PER3: variants seen among roughly 807,000 people sequenced by gnomAD.
PER3 encodes period circadian regulator 3.
A neutral mutation model predicts 127.2 loss-of-function variants in PER3; 107 were observed. That is an observed-to-expected ratio of 0.84 (90% CI 0.72 to 0.99). PER3 has a LOEUF of 0.99. Ranked by LOEUF, PER3 falls within the 50% of genes least tolerant of loss-of-function variation. The pLI, the probability that PER3 is intolerant of heterozygous loss-of-function variation, is 0.00. For synonymous variants in PER3, 618 were observed against 585.8 expected, an observed-to-expected ratio of 1.05 and a Z score of -0.79; for missense variants, 1,560 against 1,525.8, an observed-to-expected ratio of 1.02 and a Z score of -0.37.
chr1:7,826,521 A>G lies in PER3; in HGVS notation c.1999A>G (p.Met667Val). Residue 667 changes from methionine to valine, a missense_variant, in exon 17 of 22, where the codon ATG becomes GTG. By Grantham distance (21) the Met-to-Val change is conservative. This residue lies in a region of PER3 where 1,332 missense variants were observed against 1,223.6 expected (regional missense o/e 1.09). Transcript: ENST00000377532. This position sits in a 1 kb window ranked among gnomAD's most constrained non-coding sequence, Gnocchi z 4.2. ...CTTCTGTGAGCCCTGGACCCTGAAC[A>G]TGCAGCCAGCCCCTTTGACCTCGGA... ...TLFCEPWTLN[M>V]QPAPLTSEEF... 3.1e-6 allele frequency: 5 copies of G among 1,614,034 alleles called. No homozygotes were observed. Among genetic ancestry groups the G allele is most frequent in the South Asian group, 1.1e-5 (1 of 91,082 alleles).
intron 21 of PER3, 47 bp downstream of exon 21, chr1:7,837,196 G>C (rs1331282031): frequency 6.5e-7 from 1 of 1,545,270 alleles, no homozygotes; most frequent in Non-Finnish European, 8.8e-7. Flanking sequence ...ATTTTGGCCA[G>C]GTAGTGCTTT....
rs904195625 is a variant in PER3 at position 7,827,044 on chromosome 1, T to C, written c.2189-74T>C. 1.0e-4 allele frequency: 119 copies of C among 1,156,176 alleles called. 1 individual carries two copies. The Admixed American group carries it at 2.5e-3, about 24-fold the overall frequency. 71.6% of individuals were successfully genotyped at this position (1,156,176 alleles called of 1,614,324 possible). On this transcript the variant is annotated intron_variant, in intron 17 of 21. Coordinates refer to ENST00000377532, the MANE Select transcript of PER3 (RefSeq NM_001377275.1). ...TGCTCATTCGTCAGCTACTTATAACTACCTGTAAGTGGCATCCTTCTCTTC... is the reference window on the plus strand; with the variant it reads ...TGCTCATTCGTCAGCTACTTATAACCACCTGTAAGTGGCATCCTTCTCTTC...
intron 17 of PER3, 91 bp from the exon 18 acceptor site, chr1:7,827,027 C>A: frequency 1.0e-6 from 1 of 976,350 alleles, no homozygotes; most frequent in Non-Finnish European, 1.5e-6. Flanking sequence ...AATGCTCATT[C>A]GTCAGCTACT....
At position 7,820,634 on chromosome 1, in the gene PER3, G is replaced by A; in HGVS notation, c.1951G>A (p.Glu651Lys). Residue 651 changes from glutamate to lysine, a missense_variant, in exon 16 of 22, where the codon GAG becomes AAG. By Grantham distance (56) the Glu-to-Lys change is moderately conservative. Transcript: ENST00000377532. ...SSTIVHVPPP[E>K]TARDATLFCE... ...CACCATTGTCCATGTCCCACCCCCA[G>A]AGACAGGTACCACACTCGCCTCTTA... is the stretch of plus-strand genomic sequence containing the variant. 1 of 1,610,114 alleles carries A rather than the reference G, an allele frequency of 6.2e-7. No homozygotes were observed. The highest frequency in any genetic ancestry group is 8.5e-7 in the Non-Finnish European group (1 of 1,178,078).
chr1:7,823,895 G>A (rs185305929), intron 16 of PER3, among the ~76,000 whole-genome samples: 1 of 152,164 alleles, frequency 6.6e-6, no homozygotes, highest in African/African-American at 2.4e-5. Context: ...CGACATGTTG[G>A]GCTGTACTAT....
At chr1:7,798,803 T>C in intron 7 of PER3, 130 bp downstream of exon 7, 1 of 686,524 alleles carries the variant, frequency 1.5e-6, no homozygotes, top group Non-Finnish European at 2.5e-6. Flanking sequence ...TCTTCAGGCA[T>C]TTGAAGCTGG....
chr1:7,843,844 G>A lies in PER3; in HGVS notation c.*1089G>A. On this transcript the variant is annotated 3_prime_UTR_variant, in exon 22 of 22. Transcript: ENST00000377532. ...TGGCGTTTGTAGTTGTGTCTTTTAA[G>A]AAGTGAGTGTGATTGTTTACTTGAT... is the stretch of plus-strand genomic sequence containing the variant. 2.8e-6 allele frequency: 3 copies of A among 1,083,516 alleles called. No homozygotes were observed. The highest frequency in any genetic ancestry group is 3.6e-6 in the Non-Finnish European group (3 of 836,994). The allele number at this position is 1,083,516 out of a possible 1,614,324, so 67.1% of individuals were successfully genotyped here.
intron 21 of PER3, among the ~76,000 whole-genome samples, chr1:7,839,262 T>C (rs1338693009): frequency 6.6e-6 from 1 of 152,196 alleles, no homozygotes; most frequent in East Asian, 1.9e-4. Flanking sequence ...ACTGAAGTTA[T>C]GAAATTAGGT....
In PER3 at chr1:7,808,980, T is replaced by A. The variant is rs763018952; in HGVS notation, c.1224T>A (p.Ile408=). The A allele has an allele frequency of 1.3e-6, 2 of 1,538,900 alleles. No homozygotes were observed. Among genetic ancestry groups the A allele is most frequent in the Admixed American group, 3.4e-5 (2 of 59,450 alleles). Residue 408 remains isoleucine, a synonymous_variant, in exon 11 of 22, where the codon ATT becomes ATA. Coordinates refer to ENST00000377532, the MANE Select transcript of PER3 (RefSeq NM_001377275.1). The part of the protein sequence containing the change: ...DKDITELQEQ[I]YKLLLQPVHV... ...ACATAACAGAATTACAAGAACAAAT[T>A]TACAAACTTCTCTTACAGGTAAGGT...
intron 20 of PER3, 87 bp downstream of exon 20, chr1:7,836,032 C>T: frequency 1.1e-6 from 1 of 885,296 alleles, no homozygotes; most frequent in Non-Finnish European, 1.7e-6. Context: ...GAGTCTCGCC[C>T]TGTCACCCAG....
At chr1:7,788,347 A>G (rs1032536131) in intron 5 of PER3, 101 bp downstream of exon 5, 3 of 818,196 alleles carry the variant, frequency 3.7e-6, no homozygotes, top group Non-Finnish European at 3.9e-6. Context: ...GAACATGCAC[A>G]CTATCTGGTT....
intron 3 of PER3, among the ~76,000 whole-genome samples, chr1:7,786,383 C>G (rs1028941311): frequency 1.5e-4 from 23 of 152,184 alleles, no homozygotes; most frequent in Admixed American, 7.9e-4. Context: ...TTCTCTTTAG[C>G]ACAAACCTCA....
intron 5 of PER3, among the ~76,000 whole-genome samples, chr1:7,792,711 C>T (rs999960158): frequency 6.6e-6 from 1 of 152,188 alleles, no homozygotes; most frequent in Non-Finnish European, 1.5e-5. Flanking sequence ...ACCTCTGGTC[C>T]TGTATTAGAA....
In PER3 at chr1:7,827,150, G is replaced by A. The variant is rs2097305175; in HGVS notation, c.2221G>A (p.Gly741Ser). Residue 741 changes from glycine (G) to serine (S), a missense_variant, in exon 18 of 22, where the codon GGC becomes AGC. Gly to Ser is a moderately conservative substitution (Grantham distance 56). Around this residue, in one of 3 missense-constraint regions of PER3, gnomAD observed 1,332 missense variants for 1,223.6 expected, o/e 1.09. Transcript: ENST00000377532. ...TACTTCCAAGCAGACGCGGTCGGCC[G>A]GCTGCAGGAAAGGGAAGCACAAGCG... Reference protein sequence around the residue: ...DSTSKQTRSAGCRKGKHKRKK... With the variant: ...DSTSKQTRSASCRKGKHKRKK... 4 of 1,606,328 alleles carry A rather than the reference G, an allele frequency of 2.5e-6. No homozygotes were observed. The highest frequency in any genetic ancestry group is 1.7e-6 in the Non-Finnish European group (2 of 1,176,844).
intron 19 of PER3, among the ~76,000 whole-genome samples, chr1:7,831,446 C>T (rs569464714): frequency 3.2e-4 from 48 of 152,094 alleles, no homozygotes; most frequent in Admixed American, 5.9e-4. Context: ...ATTTATTTGT[C>T]TTGCCTCATT....
intron 4 of PER3, chr1:7,787,240 A>G: frequency 1.1e-6 from 1 of 895,576 alleles, no homozygotes; most frequent in Non-Finnish European, 1.4e-6. Context: ...TGGATGTTAT[A>G]GAACAGGTGA....
At chr1:7,829,535 T>TA (rs1193977526) in intron 18 of PER3, among the ~76,000 whole-genome samples, 2 of 152,212 alleles carry the variant, frequency 1.3e-5, no homozygotes, top group African/African-American at 2.4e-5. Context: ...AGCACTATGA[T>TA]ACCACAGTAG....
intron 7 of PER3, among the ~76,000 whole-genome samples, chr1:7,799,197 A>G (rs2097159094): frequency 6.6e-6 from 1 of 152,206 alleles, no homozygotes; most frequent in African/African-American, 2.4e-5. Flanking sequence ...GCAAATTACC[A>G]TCCTATGCAA....
intron 5 of PER3, among the ~76,000 whole-genome samples, chr1:7,793,412 G>A (rs2097130737): frequency 6.6e-6 from 1 of 152,132 alleles, no homozygotes; most frequent in Non-Finnish European, 1.5e-5. Flanking sequence ...CTGAAGATTG[G>A]TACAGTTTTC....
Sources: gnomAD v4.1 joint callset for allele counts (sites outside exome capture counted in the v4.1 genomes callset) on GRCh38, gnomAD v4.1.1 for gene constraint, gnomAD v4.1.1 regional missense constraint, Gnocchi (gnomAD v3.1) non-coding constraint, MANE v1.5 for transcripts, NCBI Gene and HGNC (gene_info 2026-07-23, HGNC 2026-07-21) for gene names.